VKORC1L1: variants seen among roughly 807,000 people sequenced by gnomAD.
VKORC1L1 encodes the protein vitamin K epoxide reductase complex subunit 1-like protein 1.
VKORC1L1 carries 2 observed loss-of-function variants against 18.9 expected under a neutral mutation model. That is an observed-to-expected ratio of 0.11 (90% CI 0.04 to 0.33). The LOEUF is 0.33. VKORC1L1 is among the 10% of genes least tolerant of loss of function. VKORC1L1 has a pLI of 1.00. For synonymous variants in VKORC1L1, 96 were observed against 100.0 expected (o/e 0.96, Z 0.24); for missense variants, 123 against 224.1 (o/e 0.55, Z 2.88).
At chr7:65,943,958 A>G (rs1383285764) in intron 1 of VKORC1L1, among the ~76,000 whole-genome samples, 2 of 152,228 alleles carry the variant, frequency 1.3e-5, no homozygotes, top group Non-Finnish European at 1.5e-5. Context: ...TCAATAACAA[A>G]TCAGTAAATA....
chr7:65,900,965 CTTG>C (rs1174490249), intron 1 of VKORC1L1, among the ~76,000 whole-genome samples: 2 of 151,972 alleles, frequency 1.3e-5, no homozygotes, highest in African/African-American at 2.4e-5. Flanking sequence ...ATTTGTGGGA[CTTG>C]TTGAAATTTC....
chr7:65,875,062 C>T (rs1429382609), intron 1 of VKORC1L1, among the ~76,000 whole-genome samples: 1 of 152,024 alleles, frequency 6.6e-6, no homozygotes, highest in Non-Finnish European at 1.5e-5. Flanking sequence ...TAGCTGTGGA[C>T]ATAAAATAGT....
intron 1 of VKORC1L1, among the ~76,000 whole-genome samples, chr7:65,947,232 T>C (rs1790135013): frequency 6.6e-6 from 1 of 152,152 alleles, no homozygotes; most frequent in African/African-American, 2.4e-5. Flanking sequence ...CGGGGTGATT[T>C]TTCTCTCCCA....
chr7:65,926,160 TA>T (rs1789760905), intron 1 of VKORC1L1, among the ~76,000 whole-genome samples: 1 of 151,042 alleles, frequency 6.6e-6, no homozygotes, highest in Non-Finnish European at 1.5e-5. Flanking sequence ...TTATTATTAT[TA>T]TTATTATTAT....
At chr7:65,926,381 C>T (rs566240470) in intron 1 of VKORC1L1, among the ~76,000 whole-genome samples, 1 of 152,232 alleles carries the variant, frequency 6.6e-6, no homozygotes, top group Non-Finnish European at 1.5e-5. Flanking sequence ...GTCTTGAACT[C>T]CTGACCTTGT....
intron 1 of VKORC1L1, among the ~76,000 whole-genome samples, chr7:65,905,557 C>A (rs1301239062): frequency 6.6e-6 from 1 of 152,158 alleles, no homozygotes; most frequent in Non-Finnish European, 1.5e-5. Context: ...GATCCACCCT[C>A]CTCGGCCTCC....
intron 1 of VKORC1L1, among the ~76,000 whole-genome samples, chr7:65,926,743 A>G (rs1456502471): frequency 6.6e-6 from 1 of 152,224 alleles, no homozygotes; most frequent in Non-Finnish European, 1.5e-5. Context: ...AAAATGTGGT[A>G]TATATACATC....
chr7:65,872,813 G>A (rs528309801), upstream of VKORC1L1, among the ~76,000 whole-genome samples: 3,403 of 152,156 alleles, frequency 0.022, 52 homozygotes, highest in South Asian at 0.036. Context: ...ACGAAAAAGG[G>A]AAAAAGGATG....
chr7:65,911,676 TC>T (rs1789504966), intron 1 of VKORC1L1, among the ~76,000 whole-genome samples: 2 of 152,216 alleles, frequency 1.3e-5, no homozygotes, highest in Non-Finnish European at 2.9e-5. Context: ...CAAGCAGTCC[TC>T]CCACCTCAGT....
At chr7:65,947,935 C>T (rs1285860598) in intron 1 of VKORC1L1, among the ~76,000 whole-genome samples, 4 of 152,152 alleles carry the variant, frequency 2.6e-5, no homozygotes, top group African/African-American at 9.7e-5. Flanking sequence ...GTGATCTGCT[C>T]GCCTCGGCCT....
chr7:65,908,997 C>T (rs777267973), intron 1 of VKORC1L1, among the ~76,000 whole-genome samples: 3 of 148,342 alleles, frequency 2.0e-5, no homozygotes, highest in African/African-American at 7.4e-5. Context: ...AGGCTGGGCA[C>T]GGTGGCTGAT....
chr7:65,920,033 C>T (rs1351682675), intron 1 of VKORC1L1, among the ~76,000 whole-genome samples: 2 of 152,062 alleles, frequency 1.3e-5, no homozygotes, highest in African/African-American at 4.8e-5. Flanking sequence ...CTTGTGGCTC[C>T]TGTTACTCTT....
chr7:65,909,035 C>T (rs1047934493), intron 1 of VKORC1L1, among the ~76,000 whole-genome samples: 26 of 148,464 alleles, frequency 1.8e-4, no homozygotes, highest in Non-Finnish European at 2.8e-4. Flanking sequence ...TTTGGGAGGC[C>T]GAGGTGGTTG....
At chr7:65,948,948 T>A (rs1449889167) in intron 2 of VKORC1L1, among the ~76,000 whole-genome samples, 168 bp downstream of exon 2, 6 of 152,328 alleles carry the variant, frequency 3.9e-5, no homozygotes, top group Non-Finnish European at 5.9e-5. Flanking sequence ...TATTATATTA[T>A]TGTTGAATTT....
At chr7:65,904,191 G>T (rs1789366855) in intron 1 of VKORC1L1, among the ~76,000 whole-genome samples, 1 of 152,204 alleles carries the variant, frequency 6.6e-6, no homozygotes, top group African/African-American at 2.4e-5. Context: ...GGACGGGAAG[G>T]GTATAAGAAA....
chr7:65,906,157 A>C (rs931567945), intron 1 of VKORC1L1, among the ~76,000 whole-genome samples: 14 of 151,738 alleles, frequency 9.2e-5, no homozygotes, highest in Admixed American at 6.6e-5. Context: ...CAAAAAGGCC[A>C]GGCACGGTGG....
chr7:65,888,969 CCT>C lies in VKORC1L1; in HGVS notation c.194+15406_194+15407del, dbSNP rs1174482169. 1.2e-3 allele frequency among the ~76,000 whole-genome samples: 187 copies of C among 152,166 alleles called. 1 individual carries two copies. Among genetic ancestry groups the C allele is most frequent in the Admixed American group, 2.4e-3 (37 of 15,260 alleles). ...GCTGAGTAGTACCCATAATCCATGT[CCT>C]CCCCAACCCCCCAACTACACATCAA... On this transcript the variant is annotated intron_variant, in intron 1 of 2. Transcript: ENST00000360768.
At chr7:65,941,412 GC>G (rs1399166902) in intron 1 of VKORC1L1, among the ~76,000 whole-genome samples, 3 of 152,090 alleles carry the variant, frequency 2.0e-5, no homozygotes, top group Non-Finnish European at 4.4e-5. Flanking sequence ...ACCATGCCCT[GC>G]CAAAGTTCTA....
Position 65,919,583 on chromosome 7 carries a change from G to T in VKORC1L1, c.195-29088G>T, listed in dbSNP as rs149339416. Among the ~76,000 whole-genome samples the T allele has an allele frequency of 1.3e-4, 20 of 152,152 alleles. No individual in the cohort carries two copies. The East Asian group carries it at 3.1e-3, about 24-fold the overall frequency. ...TCCAGTCTGCGAGCAAGTCTTGGTG[G>T]CTCTACCTTCAAAATATATCCTGGG... On this transcript the variant is annotated intron_variant, in intron 1 of 2. Coordinates refer to ENST00000360768, the MANE Select transcript of VKORC1L1 (RefSeq NM_173517.6).
Sources: allele counts gnomAD v4.1 joint callset (sites outside exome capture counted in the v4.1 genomes callset), GRCh38; gene constraint gnomAD v4.1.1; transcripts MANE v1.5; gene names NCBI Gene and HGNC (gene_info 2026-07-23, HGNC 2026-07-21).